Variants in NAALADL2 observed in about 807,000 individuals in gnomAD.
The protein encoded by NAALADL2 is inactive N-acetylated-alpha-linked acidic dipeptidase-like protein 2.
NAALADL2 carries 76 observed loss-of-function variants against 87.2 expected under a neutral mutation model. The ratio of observed to expected loss-of-function variants is 0.87; its 90% CI spans 0.72 to 1.05. The LOEUF (loss-of-function observed/expected upper bound fraction) is 1.05, where lower values mean the gene tolerates loss of function less well. NAALADL2 is among the 50% of genes least tolerant of loss of function. NAALADL2 has a pLI of 0.00. For synonymous variants in NAALADL2, 354 were observed against 331.0 expected (o/e 1.07, Z -0.75); for missense variants, 1,089 against 945.8 (o/e 1.15, Z -1.99).
chr3:175,616,986 A>C (rs1259619715), intron 10 of NAALADL2, among the ~76,000 whole-genome samples: 1 of 152,126 alleles, frequency 6.6e-6, no homozygotes, highest in East Asian at 1.9e-4. Context: ...TGAGTCCACC[A>C]AAGGGAGAAG....
intron 4 of NAALADL2, among the ~76,000 whole-genome samples, chr3:175,290,944 C>A (rs1755571740): frequency 6.6e-6 from 1 of 151,974 alleles, no homozygotes; most frequent in Non-Finnish European, 1.5e-5. Context: ...AAGACAATAA[C>A]TTTACTAGAG....
Position 175,603,451 on chromosome 3 carries a change from C to A in NAALADL2, c.1801-23840C>A, listed in dbSNP as rs915453022. On this transcript the variant is annotated intron_variant, in intron 10 of 13. Coordinates refer to ENST00000454872, the MANE Select transcript of NAALADL2 (RefSeq NM_207015.3). The stretch of plus-strand genomic sequence containing the variant: ...CATCTTGCAAAACTGAAATTCTATA[C>A]CCAGTAAACAATGATTCCCCACTCC... Among the ~76,000 whole-genome samples, 16 of 152,222 alleles carry A rather than the reference C, an allele frequency of 1.1e-4. No individual in the cohort carries two copies. The South Asian group carries it at 1.2e-3, about 12-fold the overall frequency.
At chr3:175,191,217 TC>T (rs1738148484) in intron 2 of NAALADL2, among the ~76,000 whole-genome samples, 1 of 152,052 alleles carries the variant, frequency 6.6e-6, no homozygotes, top group Non-Finnish European at 1.5e-5. Context: ...TTTATATGTG[TC>T]CCCTAATATC....
intron 1 of NAALADL2, among the ~76,000 whole-genome samples, chr3:174,474,887 C>A (rs142664741): frequency 7.8e-4 from 118 of 152,146 alleles, no homozygotes; most frequent in Admixed American, 1.4e-3. Context: ...CATATTGGTG[C>A]AACACAGAGT....
At chr3:174,671,167 C>T (rs1726496314) in intron 2 of NAALADL2, among the ~76,000 whole-genome samples, 1 of 152,044 alleles carries the variant, frequency 6.6e-6, no homozygotes, top group Admixed American at 6.6e-5. Flanking sequence ...ATTACCCAGT[C>T]TCAGGTATTT....
At chr3:174,444,802 T>C (rs533462465) in intron 1 of NAALADL2, among the ~76,000 whole-genome samples, 1 of 152,246 alleles carries the variant, frequency 6.6e-6, no homozygotes, top group East Asian at 1.9e-4. Context: ...GGAAGAGATG[T>C]TAGTTAGGAT....
At chr3:175,654,576 A>C (rs1185393866) in intron 11 of NAALADL2, among the ~76,000 whole-genome samples, 2 of 152,188 alleles carry the variant, frequency 1.3e-5, no homozygotes, top group Non-Finnish European at 2.9e-5. Flanking sequence ...ACCTATATAA[A>C]ATTGCATTTT....
chr3:175,783,592 G>C (rs1344262484), intron 13 of NAALADL2, among the ~76,000 whole-genome samples: 1 of 152,024 alleles, frequency 6.6e-6, no homozygotes, highest in African/African-American at 2.4e-5. Flanking sequence ...TCAGCTTAAG[G>C]AGATTTTGGG....
chr3:174,461,923 T>C (rs1038969234), intron 1 of NAALADL2, among the ~76,000 whole-genome samples: 9 of 152,082 alleles, frequency 5.9e-5, no homozygotes, highest in Non-Finnish European at 1.2e-4. Context: ...ACTTATCATC[T>C]ATATACTAGG....
rs149149841 is a variant in NAALADL2 at position 175,231,582 on chromosome 3, A to G, written c.546-2349A>G. On this transcript the variant is annotated intron_variant, in intron 2 of 13. Transcript: ENST00000454872. ...TCGAGGCCTTATAGTATAAACATTCAATGTTTTCAGTTGCTTGCACCATAA... is the reference window on the plus strand; with the variant it reads ...TCGAGGCCTTATAGTATAAACATTCGATGTTTTCAGTTGCTTGCACCATAA... 2.1e-3 allele frequency among the ~76,000 whole-genome samples: 315 copies of G among 152,182 alleles called. 1 individual carries two copies. The highest frequency in any genetic ancestry group is 7.2e-3 in the African/African-American group (300 of 41,548).
At chr3:174,682,256 G>A (rs1321814214) in intron 2 of NAALADL2, among the ~76,000 whole-genome samples, 1 of 152,184 alleles carries the variant, frequency 6.6e-6, no homozygotes, top group African/African-American at 2.4e-5. Context: ...ACATGAGGGA[G>A]TTTCCTGAGG....
chr3:174,662,619 A>C (rs2108781482), intron 2 of NAALADL2, among the ~76,000 whole-genome samples: 1 of 152,326 alleles, frequency 6.6e-6, no homozygotes, highest in African/African-American at 2.4e-5. Context: ...AGTTAGGAAT[A>C]GAGAAATAAA....
Position 174,466,392 on chromosome 3 carries a change from C to T in NAALADL2, c.-184+25360C>T, listed in dbSNP as rs78487007. Among the ~76,000 whole-genome samples the T allele has an allele frequency of 1.7e-3, 265 of 152,046 alleles. 1 individual carries two copies. Among genetic ancestry groups the T allele is most frequent in the African/African-American group, 6.2e-3 (257 of 41,468 alleles). On this transcript the variant is annotated intron_variant, in intron 1 of 3. Transcript: ENST00000434257. ...GGGAAGCCAAAAGATTGGACCCCCC[C>T]TGGGTTAGAACTTTGTCCCATGGCT...
At chr3:175,463,701 GGAGAGAGA>G (rs10591566) in intron 7 of NAALADL2, among the ~76,000 whole-genome samples, 33 of 115,524 alleles carry the variant, frequency 2.9e-4, no homozygotes, top group Middle Eastern at 4.3e-3. Context: ...CTTAGTCGGG[GGAGAGAGA>G]GAGAGAGAGA....
At chr3:175,799,582 C>T (rs370444542) in intron 13 of NAALADL2, among the ~76,000 whole-genome samples, 9 of 152,168 alleles carry the variant, frequency 5.9e-5, no homozygotes, top group South Asian at 4.1e-4. Context: ...GGTTCTGTCA[C>T]GTACAAAAAT....
chr3:175,166,473 C>G (rs1734021877), intron 2 of NAALADL2, among the ~76,000 whole-genome samples: 1 of 152,078 alleles, frequency 6.6e-6, no homozygotes. Flanking sequence ...ATCTTTCCGT[C>G]TTGATCCTAC....
At chr3:175,769,467 G>A (rs1400939668) in intron 13 of NAALADL2, among the ~76,000 whole-genome samples, 1 of 152,130 alleles carries the variant, frequency 6.6e-6, no homozygotes, top group African/African-American at 2.4e-5. Flanking sequence ...CCATAGAGAG[G>A]GGTTAAGCAT....
rs78207209 is a variant in NAALADL2, at chr3:175,340,772, T to C, written c.1090+16447T>C. Reference sequence around the variant, plus strand: ...TCTGCTCCTTAAGAATGACTTCCTTTGTTTGATCAATAAGCATTTCTCAAA... The same window carrying C: ...TCTGCTCCTTAAGAATGACTTCCTTCGTTTGATCAATAAGCATTTCTCAAA... On this transcript the variant is annotated intron_variant, in intron 5 of 13. Transcript: ENST00000454872. Among the ~76,000 whole-genome samples the C allele has an allele frequency of 7.2e-3, 1,101 of 152,308 alleles. 6 individuals carry two copies. The highest frequency in any genetic ancestry group is 0.011 in the Non-Finnish European group (753 of 68,024).
At chr3:175,358,858 G>C (rs1342093992) in intron 5 of NAALADL2, among the ~76,000 whole-genome samples, 1 of 152,056 alleles carries the variant, frequency 6.6e-6, no homozygotes, top group Non-Finnish European at 1.5e-5. Context: ...TAAGTCAATA[G>C]GTTAAAAGGT....
Sources: gnomAD v4.1 joint callset for allele counts (sites outside exome capture counted in the v4.1 genomes callset) on GRCh38, gnomAD v4.1.1 for gene constraint, MANE v1.5 for transcripts, NCBI Gene and HGNC (gene_info 2026-07-23, HGNC 2026-07-21) for gene names.